Variants in ADGRB1 observed in about 807,000 individuals in gnomAD.
ADGRB1 encodes adhesion G protein-coupled receptor B1, also known as brain-specific angiogenesis inhibitor 1.
A neutral mutation model predicts 175.7 loss-of-function variants in ADGRB1; 36 were observed. The observed-to-expected ratio is 0.20, with a 90% CI of 0.16 to 0.27. The LOEUF is 0.27. Among genes scored for constraint, ADGRB1 ranks in the 10% least tolerant of loss-of-function variants. The pLI, the probability that ADGRB1 is intolerant of heterozygous loss-of-function variation, is 1.00. For missense variants in ADGRB1, 1,731 were observed against 2,255.3 expected (o/e 0.77, Z 4.71); for synonymous variants, 1,054 against 979.4 (o/e 1.08, Z -1.42).
At chr8:142,470,718 C>G (rs1840616203) in intron 2 of ADGRB1, among the ~76,000 whole-genome samples, 1 of 152,116 alleles carries the variant, frequency 6.6e-6, no homozygotes. Context: ...GCTCCTGGAT[C>G]CTGCAGGGGT....
chr8:142,508,562 G>A (rs1392479897), intron 17 of ADGRB1, among the ~76,000 whole-genome samples: 2 of 152,230 alleles, frequency 1.3e-5, no homozygotes, highest in East Asian at 1.9e-4. Flanking sequence ...GAGGGTGGAA[G>A]GGTCTCTCTG....
chr8:142,452,184 C>T (rs13255186), intron 1 of ADGRB1, among the ~76,000 whole-genome samples: 15,290 of 152,260 alleles, frequency 0.1, 1,123 homozygotes, highest in African/African-American at 0.2. Context: ...TGCTTTCAGA[C>T]TTGTTGCGCC....
chr8:142,500,217 C>A (rs1355529803), intron 17 of ADGRB1, among the ~76,000 whole-genome samples: 5 of 148,606 alleles, frequency 3.4e-5, no homozygotes, highest in Admixed American at 6.7e-5. Context: ...CCTCCACTTC[C>A]CCCCGCGCCG....
At chr8:142,536,579 G>GT (rs1844936627) in intron 25 of ADGRB1, among the ~76,000 whole-genome samples, 1 of 152,168 alleles carries the variant, frequency 6.6e-6, no homozygotes, top group Admixed American at 6.5e-5. Flanking sequence ...TCCCAGGGCA[G>GT]TGAGGGCCAG....
chr8:142,452,556 T>C (rs1247211607), intron 1 of ADGRB1, among the ~76,000 whole-genome samples: 1 of 151,922 alleles, frequency 6.6e-6, no homozygotes, highest in Non-Finnish European at 1.5e-5. Flanking sequence ...CGGGCTCTGC[T>C]CTCGGATCCC....
chr8:142,529,216 G>A (rs566330218), intron 24 of ADGRB1, among the ~76,000 whole-genome samples: 1 of 152,302 alleles, frequency 6.6e-6, no homozygotes, highest in South Asian at 2.1e-4. Context: ...GTGTGAGTGT[G>A]CATGCATGCC....
intron 9 of ADGRB1, 117 bp downstream of exon 9, chr8:142,479,911 G>C: frequency 1.8e-6 from 2 of 1,133,122 alleles, no homozygotes; most frequent in Non-Finnish European, 2.5e-6. Flanking sequence ...CAGACAGCCT[G>C]CGTGTGCTGG....
At chr8:142,541,126 G>A (rs1845246855) in intron 27 of ADGRB1, among the ~76,000 whole-genome samples, 2 of 152,058 alleles carry the variant, frequency 1.3e-5, no homozygotes, top group African/African-American at 4.8e-5. Flanking sequence ...CCCAGGAAGG[G>A]CCCTGGGGTC....
At chr8:142,486,732 A>G (rs1427430486) in intron 13 of ADGRB1, among the ~76,000 whole-genome samples, 4 of 152,206 alleles carry the variant, frequency 2.6e-5, no homozygotes, top group Non-Finnish European at 5.9e-5. Flanking sequence ...TAAATTAAAG[A>G]CTGAGGTTAG....
chr8:142,489,577 A>C, intron 16 of ADGRB1, 139 bp downstream of exon 16: 1 of 956,248 alleles, frequency 1.0e-6, no homozygotes, highest in Non-Finnish European at 1.6e-6. Context: ...TCCCTGGATT[A>C]CAGGTGGGGA....
In ADGRB1 at chr8:142,505,127, A is replaced by G. The variant is rs555486519; in HGVS notation, c.2676-5805A>G. Among the ~76,000 whole-genome samples the G allele has an allele frequency of 8.9e-3, 1,350 of 152,274 alleles. 12 individuals are homozygous for G. The highest frequency in any genetic ancestry group is 0.011 in the Non-Finnish European group (734 of 68,012). ...ACTGTCCCCTTGTGTCCCATGAATG[A>G]GTAGGCCCTGTGCGGGCACTGTGCC... On this transcript the variant is annotated intron_variant, in intron 17 of 30. Coordinates refer to ENST00000517894, the MANE Select transcript of ADGRB1 (RefSeq NM_001702.3).
intron 1 of ADGRB1, among the ~76,000 whole-genome samples, chr8:142,452,107 G>T (rs1227882349): frequency 6.6e-6 from 1 of 152,206 alleles, no homozygotes; most frequent in Admixed American, 6.5e-5. Context: ...CGTTGCGCGC[G>T]TTCGGGGATC....
chr8:142,488,577 C>G, intron 14 of ADGRB1, 70 bp downstream of exon 14: 2 of 1,566,156 alleles, frequency 1.3e-6, no homozygotes, highest in Non-Finnish European at 1.7e-6. Context: ...CGGTCACCAC[C>G]CTTCTGGAGT....
intron 1 of ADGRB1, among the ~76,000 whole-genome samples, 156 bp from the exon 2 acceptor site, chr8:142,463,824 G>T (rs1840094708): frequency 6.6e-6 from 1 of 152,240 alleles, no homozygotes; most frequent in Admixed American, 6.5e-5. Flanking sequence ...CGGAGCAGGT[G>T]CCTGGGAGGG....
chr8:142,509,151 G>C (rs1842963142), intron 17 of ADGRB1, among the ~76,000 whole-genome samples: 1 of 152,238 alleles, frequency 6.6e-6, no homozygotes, highest in Non-Finnish European at 1.5e-5. Flanking sequence ...AAGTGCTGCT[G>C]CTGAGGGAGA....
intron 13 of ADGRB1, 63 bp downstream of exon 13, chr8:142,484,827 C>A: frequency 7.8e-7 from 1 of 1,277,504 alleles, no homozygotes; most frequent in Non-Finnish European, 1.1e-6. Context: ...CCAGGCCCTT[C>A]TGCCTCAGCA....
At chr8:142,475,792 C>G (rs1473246344) in intron 3 of ADGRB1, among the ~76,000 whole-genome samples, 157 bp downstream of exon 3, 1 of 125,340 alleles carries the variant, frequency 8.0e-6, no homozygotes. Context: ...GGGGGCGGGA[C>G]CAGGTAGGGG....
In ADGRB1 at chr8:142,488,376, A is replaced by G. The variant is rs755783706; in HGVS notation, c.2321A>G (p.His774Arg). 3.7e-6 allele frequency: 6 copies of G among 1,613,042 alleles called. No individual in the cohort carries two copies. The highest frequency in any genetic ancestry group is 5.1e-6 in the Non-Finnish European group (6 of 1,179,802). The change falls in exon 14 of 31, where the codon CAT (histidine) becomes CGT (arginine). Residue 774 changes from histidine to arginine, a missense_variant. This residue lies in a region of ADGRB1 where 388 missense variants were observed against 630.9 expected (regional missense o/e 0.61). Coordinates refer to ENST00000517894, the MANE Select transcript of ADGRB1 (RefSeq NM_001702.3). ...ACCCTGCTCCCAGTTCTCAGCATCC[A>G]TAAGCTCCCAGCCAGCGGAGCCACT... Reference protein sequence around the residue: ...QVTDNLVLSIHKLPASGATDI... With the variant: ...QVTDNLVLSIRKLPASGATDI...
rs767317050 is a variant in ADGRB1, at chr8:142,464,540, C to T, written c.342C>T (p.Tyr114=). The change falls in exon 2 of 31, where the codon TAC becomes TAT. Residue 114 remains tyrosine (Y), a synonymous_variant. Transcript: ENST00000517894. ...CCTTCCTCGAGTCCACGCGCACCTA[C>T]CTGGGCGTGGAGAGCTTCGACGAGG... The part of the protein sequence containing the change: ...FDSFLESTRT[Y]LGVESFDEVL... 3 of 1,565,054 alleles carry T rather than the reference C, an allele frequency of 1.9e-6. No individual in the cohort carries two copies. Among genetic ancestry groups the T allele is most frequent in the South Asian group, 1.2e-5 (1 of 85,096 alleles).
Sources: gnomAD v4.1 joint callset for allele counts (sites outside exome capture counted in the v4.1 genomes callset) on GRCh38, gnomAD v4.1.1 for gene constraint, gnomAD v4.1.1 regional missense constraint, MANE v1.5 for transcripts, NCBI Gene and HGNC (gene_info 2026-07-23, HGNC 2026-07-21) for gene names.